The following ENOX1 variants were observed in gnomAD, a reference collection of about 807,000 sequenced individuals.
ENOX1 encodes the protein candidate growth-related and time keeping constitutive hydroquinone (NADH) oxidase.
In ENOX1, 42 loss-of-function variants were observed where a neutral mutation model predicts 82.5. That is an observed-to-expected ratio of 0.51 (90% CI 0.40 to 0.66). The LOEUF (loss-of-function observed/expected upper bound fraction) is 0.66. Ranked by LOEUF, ENOX1 falls within the 30% of genes least tolerant of loss-of-function variation. ENOX1 has a pLI of 0.00. For synonymous variants in ENOX1, 271 were observed against 282.2 expected (o/e 0.96, Z 0.40); for missense variants, 608 against 811.6 (o/e 0.75, Z 3.05).
chr13:43,363,889 C>G (rs2050680842), intron 5 of ENOX1, among the ~76,000 whole-genome samples: 1 of 152,124 alleles, frequency 6.6e-6, no homozygotes, highest in African/African-American at 2.4e-5. Context: ...TAATATACAG[C>G]AAGAGTTGCT....
intron 2 of ENOX1, among the ~76,000 whole-genome samples, chr13:43,568,953 G>A (rs956072601): frequency 3.9e-5 from 6 of 152,120 alleles, no homozygotes; most frequent in Admixed American, 1.3e-4. Flanking sequence ...TGCTAGCTAC[G>A]GGGATAGGGT....
chr13:43,395,719 C>T lies in ENOX1; in HGVS notation c.208+16197G>A, dbSNP rs186654450. On this transcript the variant is annotated intron_variant, in intron 5 of 16. Coordinates refer to ENST00000690772, the MANE Select transcript of ENOX1 (RefSeq NM_001347969.2). ...TGCTTTCATTCTCATGAATGTGATC[C>T]GAAGAAACACAGCCTTATCCACAAG... is the stretch of plus-strand genomic sequence containing the variant. 2.6e-3 allele frequency among the ~76,000 whole-genome samples: 393 copies of T among 152,152 alleles called. 1 individual carries two copies. The highest frequency in any genetic ancestry group is 4.8e-3 in the African/African-American group (201 of 41,484).
intron 12 of ENOX1, among the ~76,000 whole-genome samples, chr13:43,274,622 G>A (rs2044892473): frequency 6.6e-6 from 1 of 152,220 alleles, no homozygotes; most frequent in African/African-American, 2.4e-5. Flanking sequence ...TCTCTTGGTT[G>A]GATTGGCTGA....
At chr13:43,500,136 T>A (rs1445834584) in intron 2 of ENOX1, among the ~76,000 whole-genome samples, 18 of 152,126 alleles carry the variant, frequency 1.2e-4, no homozygotes, top group Non-Finnish European at 4.4e-5. Context: ...CAAACTAATA[T>A]ATGCATTATG....
chr13:43,424,743 T>C (rs771680036), intron 3 of ENOX1, among the ~76,000 whole-genome samples: 1 of 152,180 alleles, frequency 6.6e-6, no homozygotes, highest in South Asian at 2.1e-4. Context: ...TCATGCTCTG[T>C]AACCAGTGAG....
intron 12 of ENOX1, among the ~76,000 whole-genome samples, chr13:43,280,916 G>T (rs1394204594): frequency 1.3e-5 from 2 of 152,168 alleles, no homozygotes; most frequent in African/African-American, 2.4e-5. Context: ...AAGTGAGAGG[G>T]AGAGGAAGTT....
At chr13:43,599,468 G>C (rs1251663013) in intron 2 of ENOX1, among the ~76,000 whole-genome samples, 1 of 151,940 alleles carries the variant, frequency 6.6e-6, no homozygotes, top group Non-Finnish European at 1.5e-5. Flanking sequence ...CCTACAGAGG[G>C]AGCATTTAGA....
intron 3 of ENOX1, among the ~76,000 whole-genome samples, chr13:43,471,564 G>A (rs920979036): frequency 4.6e-5 from 7 of 151,956 alleles, no homozygotes; most frequent in East Asian, 1.9e-4. Flanking sequence ...TAATCCCAGC[G>A]CTTTGGGAGG....
At chr13:43,665,445 A>G (rs145963336) in intron 2 of ENOX1, among the ~76,000 whole-genome samples, 1 of 152,214 alleles carries the variant, frequency 6.6e-6, no homozygotes, top group South Asian at 2.1e-4. Flanking sequence ...AGAAGGAAGA[A>G]GACGCGATTA....
At chr13:43,445,000 T>G (rs1168308046) in intron 3 of ENOX1, among the ~76,000 whole-genome samples, 1 of 152,150 alleles carries the variant, frequency 6.6e-6, no homozygotes, top group Non-Finnish European at 1.5e-5. Flanking sequence ...CTGGTCACAG[T>G]TTTCTCAAGT....
intron 3 of ENOX1, among the ~76,000 whole-genome samples, chr13:43,454,774 C>G (rs975572381): frequency 2.0e-5 from 3 of 151,708 alleles, no homozygotes; most frequent in Non-Finnish European, 4.4e-5. Context: ...TTGCTCACCT[C>G]TTTTGTGTAT....
At chr13:43,523,410 A>T (rs1258353435) in intron 2 of ENOX1, among the ~76,000 whole-genome samples, 4 of 152,172 alleles carry the variant, frequency 2.6e-5, no homozygotes, top group African/African-American at 9.6e-5. Flanking sequence ...CAACTATAAA[A>T]ATAGAAAACA....
At chr13:43,216,548 T>C (rs924142046) in intron 16 of ENOX1, among the ~76,000 whole-genome samples, 2 of 152,186 alleles carry the variant, frequency 1.3e-5, no homozygotes, top group Admixed American at 6.5e-5. Context: ...CCAAGTTATC[T>C]TCTCAAAGAG....
chr13:43,487,479 GAC>G (rs542574441), intron 2 of ENOX1, among the ~76,000 whole-genome samples: 100 of 152,292 alleles, frequency 6.6e-4, no homozygotes, highest in African/African-American at 2.3e-3. Context: ...TGTGAAAGTA[GAC>G]ACCTAACCTA....
At chr13:43,763,014 T>A (rs1322734580) in intron 1 of ENOX1, among the ~76,000 whole-genome samples, 1 of 152,238 alleles carries the variant, frequency 6.6e-6, no homozygotes, top group African/African-American at 2.4e-5. Context: ...GCATTGAATC[T>A]TCTTCATATT....
intron 12 of ENOX1, among the ~76,000 whole-genome samples, chr13:43,294,750 A>G (rs1478582888): frequency 1.3e-5 from 2 of 152,220 alleles, no homozygotes; most frequent in East Asian, 1.9e-4. Flanking sequence ...TGACTAGACA[A>G]ACAAACCACA....
At chr13:43,349,463 T>C (rs972121862) in intron 8 of ENOX1, among the ~76,000 whole-genome samples, 4 of 152,242 alleles carry the variant, frequency 2.6e-5, no homozygotes, top group African/African-American at 9.7e-5. Flanking sequence ...GCCCATCTCA[T>C]TTCATTTCTG....
intron 3 of ENOX1, among the ~76,000 whole-genome samples, chr13:43,455,804 G>A (rs2057199687): frequency 6.6e-6 from 1 of 150,576 alleles, no homozygotes; most frequent in Non-Finnish European, 1.5e-5. Context: ...GGTTTTATAA[G>A]GGGAAACCCC....
chr13:43,403,243 T>C (rs1265718592), intron 5 of ENOX1, among the ~76,000 whole-genome samples: 1 of 152,076 alleles, frequency 6.6e-6, no homozygotes. Context: ...TAAATATATA[T>C]GTATTTGTTG....
Sources: gnomAD v4.1 joint callset for allele counts (sites outside exome capture counted in the v4.1 genomes callset) on GRCh38, gnomAD v4.1.1 for gene constraint, MANE v1.5 for transcripts, NCBI Gene and HGNC (gene_info 2026-07-23, HGNC 2026-07-21) for gene names.